PLCXD3: variants seen among roughly 807,000 people sequenced by gnomAD.
PLCXD3 encodes the protein PI-PLC X domain-containing protein 3.
A neutral mutation model predicts 25.5 loss-of-function variants in PLCXD3; 19 were observed. The ratio of observed to expected loss-of-function variants is 0.75; its 90% CI spans 0.52 to 1.09. The LOEUF (loss-of-function observed/expected upper bound fraction) is 1.09. Among genes scored for constraint, PLCXD3 ranks in the 50% least tolerant of loss-of-function variants. The pLI is 0.00. For synonymous variants in PLCXD3, 174 were observed against 137.6 expected, an observed-to-expected ratio of 1.26 and a Z score of -1.85; for missense variants, 411 against 388.1, an observed-to-expected ratio of 1.06 and a Z score of -0.50.
Position 41,424,752 on chromosome 5 carries a change from A to C in PLCXD3, c.104-42218T>G, listed in dbSNP as rs112972590. On this transcript the variant is annotated intron_variant, in intron 1 of 2. Coordinates refer to ENST00000377801, the MANE Select transcript of PLCXD3 (RefSeq NM_001005473.3). ...TTGTTGTGTATAATATGTGTTACTT[A>C]GTATTTGTTGAGATTTGCTATGTGA... is the stretch of plus-strand genomic sequence containing the variant. 7.7e-3 allele frequency among the ~76,000 whole-genome samples: 1,178 copies of C among 152,222 alleles called. 17 individuals carry two copies. Among genetic ancestry groups the C allele is most frequent in the African/African-American group, 0.027 (1,116 of 41,510 alleles).
chr5:41,466,320 G>A (rs912868236), intron 1 of PLCXD3, among the ~76,000 whole-genome samples: 1 of 151,854 alleles, frequency 6.6e-6, no homozygotes, highest in African/African-American at 2.4e-5. Flanking sequence ...TAGCAATGTA[G>A]GGAGAAAAAT....
chr5:41,441,290 C>T (rs763404247), intron 1 of PLCXD3, among the ~76,000 whole-genome samples: 5 of 152,120 alleles, frequency 3.3e-5, no homozygotes, highest in East Asian at 1.9e-4. Context: ...CTTTAGAAGA[C>T]GCACTCATGC....
intron 1 of PLCXD3, among the ~76,000 whole-genome samples, chr5:41,468,450 T>C (rs1023453053): frequency 6.6e-6 from 1 of 152,218 alleles, no homozygotes; most frequent in Admixed American, 6.5e-5. Flanking sequence ...TTTGCATCTG[T>C]AGATTGCTTT....
chr5:41,343,727 G>T (rs1482524332), intron 2 of PLCXD3, among the ~76,000 whole-genome samples: 1 of 152,134 alleles, frequency 6.6e-6, no homozygotes, highest in Non-Finnish European at 1.5e-5. Flanking sequence ...TCTTCAGCTA[G>T]AGGAGAATTC....
At chr5:41,400,178 G>C (rs962286032) in intron 1 of PLCXD3, among the ~76,000 whole-genome samples, 10 of 151,854 alleles carry the variant, frequency 6.6e-5, no homozygotes, top group Admixed American at 5.3e-4. Flanking sequence ...TATACAAAGA[G>C]AGCCAATAAT....
Position 41,368,413 on chromosome 5 carries a change from T to C in PLCXD3, c.812+13413A>G, listed in dbSNP as rs114906987. ...ATCCTGAGACTCTGGTGAAGTTGCT[T>C]GTCAGCTTAAGAAGCTTTTGGGCTG... On this transcript the variant is annotated intron_variant, in intron 2 of 2. Transcript: ENST00000377801. Among the ~76,000 whole-genome samples the C allele has an allele frequency of 7.8e-3, 1,183 of 152,322 alleles. 12 individuals carry two copies. The highest frequency in any genetic ancestry group is 0.027 in the African/African-American group (1,116 of 41,588).
intron 2 of PLCXD3, among the ~76,000 whole-genome samples, chr5:41,369,312 A>T (rs1351262626): frequency 6.6e-6 from 1 of 152,182 alleles, no homozygotes; most frequent in Non-Finnish European, 1.5e-5. Flanking sequence ...TAACAGATTG[A>T]ATTTAGTGAA....
intron 1 of PLCXD3, among the ~76,000 whole-genome samples, chr5:41,416,903 A>G (rs1463273317): frequency 6.6e-6 from 1 of 152,160 alleles, no homozygotes; most frequent in Non-Finnish European, 1.5e-5. Flanking sequence ...AAAGTTTGCA[A>G]CCAGGAATGA....
intron 2 of PLCXD3, among the ~76,000 whole-genome samples, chr5:41,378,239 T>A (rs1010000299): frequency 2.0e-5 from 3 of 152,068 alleles, no homozygotes; most frequent in Non-Finnish European, 4.4e-5. Context: ...CTGGAGTATG[T>A]CCAATAACCA....
At chr5:41,441,174 A>T (rs770434565) in intron 1 of PLCXD3, among the ~76,000 whole-genome samples, 1 of 152,220 alleles carries the variant, frequency 6.6e-6, no homozygotes, top group Non-Finnish European at 1.5e-5. Flanking sequence ...CAGCAACCTG[A>T]AAAGACAGCA....
intron 1 of PLCXD3, among the ~76,000 whole-genome samples, chr5:41,438,045 G>A (rs1397719675): frequency 6.6e-6 from 1 of 152,074 alleles, no homozygotes; most frequent in Non-Finnish European, 1.5e-5. Context: ...CACTTACTTG[G>A]GAAAAAATTC....
At chr5:41,348,325 G>A (rs1234342487) in intron 2 of PLCXD3, among the ~76,000 whole-genome samples, 2 of 152,124 alleles carry the variant, frequency 1.3e-5, no homozygotes, top group Non-Finnish European at 2.9e-5. Context: ...ATGAAAAGAA[G>A]TAATCATGGT....
At chr5:41,345,652 C>T (rs1744276185) in intron 2 of PLCXD3, among the ~76,000 whole-genome samples, 1 of 150,422 alleles carries the variant, frequency 6.6e-6, no homozygotes, top group South Asian at 2.1e-4. Flanking sequence ...CATGTTTCAT[C>T]CTTTACTCCA....
At chr5:41,440,056 G>A (rs1747343357) in intron 1 of PLCXD3, among the ~76,000 whole-genome samples, 1 of 151,960 alleles carries the variant, frequency 6.6e-6, no homozygotes, top group African/African-American at 2.4e-5. Context: ...TGGAACATGG[G>A]CCTGACTTGT....
chr5:41,327,540 T>A (rs886434942), intron 2 of PLCXD3, among the ~76,000 whole-genome samples: 2 of 152,298 alleles, frequency 1.3e-5, no homozygotes, highest in South Asian at 4.1e-4. Flanking sequence ...AAGCTTTAAT[T>A]CATTCATATT....
chr5:41,367,832 G>T (rs1007345826), intron 2 of PLCXD3, among the ~76,000 whole-genome samples: 1 of 152,106 alleles, frequency 6.6e-6, no homozygotes, highest in African/African-American at 2.4e-5. Flanking sequence ...CGTAAAGAAG[G>T]GGTGTAGTTT....
At chr5:41,507,499 C>T (rs766959362) in intron 1 of PLCXD3, among the ~76,000 whole-genome samples, 4 of 152,194 alleles carry the variant, frequency 2.6e-5, no homozygotes, top group Non-Finnish European at 5.9e-5. Flanking sequence ...TGCCAAACAG[C>T]TATTGCGAGA....
intron 1 of PLCXD3, among the ~76,000 whole-genome samples, chr5:41,395,820 C>A (rs1745985089): frequency 6.6e-6 from 1 of 151,936 alleles, no homozygotes; most frequent in Non-Finnish European, 1.5e-5. Context: ...TAAAATGTCT[C>A]CCACTAAAGA....
intron 1 of PLCXD3, among the ~76,000 whole-genome samples, chr5:41,433,953 G>A (rs1025341444): frequency 6.6e-6 from 1 of 152,210 alleles, no homozygotes; most frequent in Non-Finnish European, 1.5e-5. Context: ...TACTTGTATA[G>A]CTGTGACGTA....
Sources: allele counts gnomAD v4.1 joint callset (sites outside exome capture counted in the v4.1 genomes callset), GRCh38; gene constraint gnomAD v4.1.1; transcripts MANE v1.5; gene names NCBI Gene and HGNC (gene_info 2026-07-23, HGNC 2026-07-21).